Variants in SMG1 observed in about 807,000 individuals in gnomAD.
SMG1 encodes the protein serine/threonine-protein kinase SMG1.
Under a neutral mutation model 419.9 loss-of-function variants are expected in SMG1, and 22 were observed. The ratio of observed to expected loss-of-function variants is 0.05; its 90% confidence interval spans 0.04 to 0.07. SMG1 has a LOEUF of 0.07. Among genes scored for constraint, SMG1 ranks in the 10% least tolerant of loss-of-function variants. SMG1 has a pLI of 1.00. For synonymous variants in SMG1, 1,538 were observed against 1,553.5 expected (o/e 0.99, Z 0.23); for missense variants, 3,185 against 4,342.0 (o/e 0.73, Z 7.49).
At chr16:18,912,570 G>C (rs1160520822) in intron 1 of SMG1, among the ~76,000 whole-genome samples, 1 of 152,098 alleles carries the variant, frequency 6.6e-6, no homozygotes, top group South Asian at 2.1e-4. Context: ...AAAATGTAGA[G>C]AGCACTACCA....
chr16:18,827,856 C>CTATA (rs66730720), intron 55 of SMG1, among the ~76,000 whole-genome samples, 175 bp downstream of exon 55: 3,657 of 143,758 alleles, frequency 0.025, 68 homozygotes, highest in Non-Finnish European at 0.038. Flanking sequence ...ATATATATAC[C>CTATA]TATATATATA....
At position 18,845,640 on chromosome 16, in the gene SMG1, A is replaced by G. The variant is rs767459101; in HGVS notation, c.6008T>C (p.Ile2003Thr). The G allele has an allele frequency of 6.2e-7, 1 of 1,609,578 alleles. No individual in the cohort carries two copies. Residue 2003 changes from isoleucine (I) to threonine (T), a missense_variant, in exon 39 of 63, where the codon ATT (isoleucine) becomes ACT (threonine). Around this residue, in one of 27 missense-constraint regions of SMG1, gnomAD observed 159 missense variants for 196.0 expected, o/e 0.81. Transcript: ENST00000446231. ...TGTGTGCTTCTCCCTCATGATTGCAATTTTCTCTTCTCTGACCAAGAAGAC... is the reference window on the plus strand; with the variant it reads ...TGTGTGCTTCTCCCTCATGATTGCAGTTTTCTCTTCTCTGACCAAGAAGAC... ...NNNTLRKEEK[I>T]AIMREKHTAL...
intron 11 of SMG1, chr16:18,879,150 T>C (rs1368327850): frequency 6.6e-6 from 2 of 304,450 alleles, no homozygotes; most frequent in African/African-American, 2.2e-5. Flanking sequence ...AGGGCCTTTT[T>C]TTGTCACCTT....
intron 22 of SMG1, among the ~76,000 whole-genome samples, chr16:18,867,929 C>T (rs1434037931): frequency 6.6e-6 from 1 of 151,822 alleles, no homozygotes; most frequent in Admixed American, 6.6e-5. Flanking sequence ...AGGATGGTCT[C>T]GATCTCCTGA....
intron 29 of SMG1, chr16:18,856,762 C>T (rs377280694): frequency 8.6e-5 from 13 of 151,770 alleles, no homozygotes; most frequent in South Asian, 4.1e-4. Context: ...TATATCACAA[C>T]GTAGAGCTCA....
chr16:18,870,257 ATTACAAAAGGATCAAGTT>A (rs2035744581), intron 18 of SMG1, among the ~76,000 whole-genome samples: 1 of 152,222 alleles, frequency 6.6e-6, no homozygotes, highest in Non-Finnish European at 1.5e-5. Flanking sequence ...ATGCTTATGT[ATTACAAAAGGATCAAGTT>A]TAGGCTCTTA....
intron 29 of SMG1, among the ~76,000 whole-genome samples, chr16:18,856,117 T>C (rs1368361130): frequency 6.6e-6 from 1 of 152,142 alleles, no homozygotes. Context: ...TCCCCACAAG[T>C]CTTTTTCTGA....
rs756038028 is a variant in SMG1 at position 18,850,104 on chromosome 16, G to C, written c.5306C>G (p.Pro1769Arg). The change falls in exon 35 of 63, where the codon CCT becomes CGT. Residue 1769 changes from proline to arginine, a missense_variant. Transcript: ENST00000446231. ...AGQIPLDEDD[P>R]RLHLSHRVEQ... ...CACTCTGTGACTTAAATGCAGCCTAGGGTCATCCTCATCTAAAGGAATCTA... is the reference window on the plus strand; with the variant it reads ...CACTCTGTGACTTAAATGCAGCCTACGGTCATCCTCATCTAAAGGAATCTA... 3 of 1,613,878 alleles carry C rather than the reference G, an allele frequency of 1.9e-6. No individual in the cohort carries two copies. The highest frequency in any genetic ancestry group is 8.5e-7 in the Non-Finnish European group (1 of 1,179,850).
intron 1 of SMG1, among the ~76,000 whole-genome samples, chr16:18,903,934 C>CTTTTTTTTT (rs71141091): frequency 1.3e-4 from 13 of 99,876 alleles, no homozygotes; most frequent in African/African-American, 2.5e-4. Context: ...TATGTCTTGT[C>CTTTTTTTTT]TTTTTTTTTT....
intron 13 of SMG1, among the ~76,000 whole-genome samples, chr16:18,873,282 G>A (rs187668013): frequency 8.5e-5 from 13 of 152,050 alleles, no homozygotes; most frequent in African/African-American, 2.4e-4. Flanking sequence ...GCAATGGTGC[G>A]ATCTTGGCTC....
rs181744054 is a variant in SMG1, at chr16:18,863,090, T to G, written c.3695+560A>C. Among the ~76,000 whole-genome samples the G allele has an allele frequency of 2.2e-3, 340 of 152,370 alleles. 2 individuals are homozygous for G. The highest frequency in any genetic ancestry group is 3.1e-3 in the Non-Finnish European group (209 of 68,028). On this transcript the variant is annotated intron_variant, in intron 25 of 62. Coordinates refer to ENST00000446231, the MANE Select transcript of SMG1 (RefSeq NM_015092.5). ...TATGTGCTGCCTGGGTCATAGTACA[T>G]GCTCAGTGAAGCAATTACACATTAA... is the stretch of plus-strand genomic sequence containing the variant.
At chr16:18,913,543 AAT>A (rs1175509433) in intron 1 of SMG1, among the ~76,000 whole-genome samples, 1 of 152,080 alleles carries the variant, frequency 6.6e-6, no homozygotes, top group African/African-American at 2.4e-5. Flanking sequence ...ACGAAAAGCT[AAT>A]ATATGTCACT....
intron 1 of SMG1, among the ~76,000 whole-genome samples, chr16:18,904,766 C>T (rs1050899949): frequency 2.0e-5 from 3 of 151,498 alleles, no homozygotes; most frequent in African/African-American, 7.3e-5. Context: ...GAAACCCCGT[C>T]TCAACTAAAA....
At position 18,807,111 on chromosome 16, in the gene SMG1, GT is replaced by G. The variant is rs1184873747; in HGVS notation, c.*2457del. ...AGGCACATGCTTTTGAAGTAAAGCT[GT>G]TTTTTGTTTTTGCTTGAGTAAGGTG... On this transcript the variant is annotated 3_prime_UTR_variant, in exon 63 of 63. Transcript: ENST00000446231. 1.3e-5 allele frequency: 2 copies of G among 152,200 alleles called. No homozygotes were observed. The highest frequency in any genetic ancestry group is 6.5e-5 in the Admixed American group (1 of 15,284). 9.4% of individuals were successfully genotyped at this position (152,200 alleles called of 1,614,324 possible).
intron 42 of SMG1, among the ~76,000 whole-genome samples, chr16:18,839,049 T>C (rs1227291890): frequency 2.0e-5 from 3 of 152,174 alleles, no homozygotes; most frequent in Non-Finnish European, 2.9e-5. Flanking sequence ...CAAACCAATG[T>C]TGGGCAGGCT....
chr16:18,890,801 T>C (rs2036843150), intron 5 of SMG1, 62 bp downstream of exon 5: 1 of 896,064 alleles, frequency 1.1e-6, no homozygotes, highest in African/African-American at 1.7e-5. Context: ...TTGTGTATTG[T>C]TAAGTAATTT....
intron 11 of SMG1, chr16:18,878,433 C>T (rs979542762): frequency 6.6e-6 from 1 of 151,756 alleles, no homozygotes; most frequent in African/African-American, 2.4e-5. Flanking sequence ...TGTAGTGAGA[C>T]CCCTTCTCTC....
chr16:18,885,840 G>A (rs1360269452), intron 6 of SMG1, among the ~76,000 whole-genome samples, 174 bp from the exon 7 acceptor site: 1 of 152,000 alleles, frequency 6.6e-6, no homozygotes, highest in Admixed American at 6.6e-5. Flanking sequence ...CAACTACCTG[G>A]GAGGCTGAGA....
rs566400676 is a variant in SMG1, at chr16:18,858,163, CA to C, written c.4234+6del. 4.6e-5 allele frequency: 71 copies of C among 1,531,700 alleles called. 1 individual carries two copies. The South Asian group carries it at 8.1e-4, about 17-fold the overall frequency. The allele number at this position is 1,531,700 out of a possible 1,614,324, so 94.9% of individuals were successfully genotyped here. ...ATTTTCTCTTACAAGAAAAAAAAACCACTTACCTTTAATTTTCTCCAACAAC... is the reference window on the plus strand; with the variant it reads ...ATTTTCTCTTACAAGAAAAAAAAACCCTTACCTTTAATTTTCTCCAACAAC... On this transcript the variant is annotated splice_donor_region_variant and intron_variant, in intron 29 of 62. Transcript: ENST00000446231.
Sources: allele counts gnomAD v4.1 joint callset (sites outside exome capture counted in the v4.1 genomes callset), GRCh38; gene constraint gnomAD v4.1.1; regional missense constraint gnomAD v4.1.1; transcripts MANE v1.5; gene names NCBI Gene and HGNC (gene_info 2026-07-23, HGNC 2026-07-21).